PTPRB: variants seen among roughly 807,000 people sequenced by gnomAD.
The protein encoded by PTPRB is protein tyrosine phosphatase receptor type B.
In PTPRB, 97 loss-of-function variants were observed where a neutral mutation model predicts 238.1. The ratio of observed to expected loss-of-function variants is 0.41; its 90% CI spans 0.35 to 0.48. The LOEUF (loss-of-function observed/expected upper bound fraction) is 0.48. Among genes scored for constraint, PTPRB ranks in the 20% least tolerant of loss-of-function variants. The pLI, the probability that PTPRB is intolerant of heterozygous loss-of-function variation, is 0.30. For synonymous variants in PTPRB, 970 were observed against 995.4 expected, an observed-to-expected ratio of 0.97 and a Z score of 0.48; for missense variants, 2,292 against 2,681.9, an observed-to-expected ratio of 0.85 and a Z score of 3.21.
intron 21 of PTPRB, among the ~76,000 whole-genome samples, chr12:70,551,955 G>A (rs940590552): frequency 1.4e-4 from 21 of 152,026 alleles, no homozygotes; most frequent in Non-Finnish European, 2.5e-4. Context: ...TCTCCATGGG[G>A]AAAAAAGGGT....
rs1272344034 is a variant in PTPRB at position 70,521,040 on chromosome 12, A to C, written c.*449T>G. Reference sequence around the variant, plus strand: ...TGGCTCTCGAGATTCATGGGACAGCAATGCAGCAAATCTAGCCATAGTATT... The same window carrying C: ...TGGCTCTCGAGATTCATGGGACAGCCATGCAGCAAATCTAGCCATAGTATT... On this transcript the variant is annotated 3_prime_UTR_variant, in exon 34 of 34. Coordinates refer to ENST00000334414, the MANE Select transcript of PTPRB (RefSeq NM_001109754.4). The C allele has an allele frequency of 6.5e-6, 1 of 154,078 alleles. No homozygotes were observed. The highest frequency in any genetic ancestry group is 1.9e-4 in the East Asian group (1 of 5,214). The allele number at this position is 154,078 out of a possible 1,614,324, so 9.5% of individuals were successfully genotyped here. A position where few individuals can be genotyped will look rare whatever the true frequency, so the allele number is the denominator to read the frequency against.
At chr12:70,556,266 CAG>C (rs1877664165) in intron 18 of PTPRB, 118 bp from the exon 19 acceptor site, 9 of 931,992 alleles carry the variant, frequency 9.7e-6, no homozygotes, top group Non-Finnish European at 1.3e-5. Context: ...CAGGCAAATA[CAG>C]AGTGTCGTGG....
intron 2 of PTPRB, among the ~76,000 whole-genome samples, chr12:70,631,192 C>T (rs1353597258): frequency 3.9e-5 from 6 of 152,296 alleles, no homozygotes; most frequent in Non-Finnish European, 7.4e-5. Context: ...TACAAGGCTA[C>T]AGTAACCAAA....
Position 70,550,804 on chromosome 12 carries a change from A to T in PTPRB, c.5387+1973T>A, listed in dbSNP as rs138692670. Among the ~76,000 whole-genome samples the T allele has an allele frequency of 8.6e-4, 131 of 152,220 alleles. 1 individual carries two copies. The highest frequency in any genetic ancestry group is 2.8e-3 in the African/African-American group (118 of 41,526). ...AAACTAAATCAGCTTCAGTTTTCCA[A>T]CTCAAAAAGAAAATAGCCCTTAGGT... On this transcript the variant is annotated intron_variant, in intron 21 of 33. Transcript: ENST00000334414.
At chr12:70,620,844 C>G (rs1884897847) in intron 3 of PTPRB, among the ~76,000 whole-genome samples, 1 of 152,060 alleles carries the variant, frequency 6.6e-6, no homozygotes, top group Non-Finnish European at 1.5e-5. Flanking sequence ...AATGAAAACT[C>G]AGGATGAGGG....
At chr12:70,599,907 C>T (rs7971030) in intron 4 of PTPRB, among the ~76,000 whole-genome samples, 33,847 of 149,064 alleles carry the variant, frequency 0.23, 3,929 homozygotes, top group East Asian at 0.32. Flanking sequence ...GTATTGGAGG[C>T]TATAGTGCAT....
At chr12:70,537,437 C>T (rs1417043888) in intron 28 of PTPRB, among the ~76,000 whole-genome samples, 2 of 152,160 alleles carry the variant, frequency 1.3e-5, no homozygotes, top group African/African-American at 4.8e-5. Context: ...GTTTCCCATG[C>T]CATTGCCTTT....
Position 70,609,118 on chromosome 12 carries a change from G to A in PTPRB, c.930C>T (p.Asn310=). 6.2e-7 allele frequency: 1 copy of A among 1,613,896 alleles called. No individual in the cohort carries two copies. Among genetic ancestry groups the A allele is most frequent in the Non-Finnish European group, 8.5e-7 (1 of 1,179,804 alleles). The change falls in exon 4 of 34, where the codon AAC becomes AAT. Residue 310 remains asparagine, a synonymous_variant. Coordinates refer to ENST00000334414, the MANE Select transcript of PTPRB (RefSeq NM_001109754.4). ...LQDLQAGTIY[N]FRIISLDEER... ...CTTCATCCAGAGAAATAATCCTGAA[G>A]TTATAGATGGTTCCTGCTTGTAAAT... is the stretch of plus-strand genomic sequence containing the variant.
At chr12:70,635,622 A>T in intron 2 of PTPRB, 49 bp downstream of exon 2, 1 of 1,560,420 alleles carries the variant, frequency 6.4e-7, no homozygotes, top group Non-Finnish European at 8.7e-7. Context: ...AACCCCCAAG[A>T]TATTTAGTAG....
intron 28 of PTPRB, among the ~76,000 whole-genome samples, chr12:70,537,363 C>T (rs1874328369): frequency 6.6e-6 from 1 of 151,204 alleles, no homozygotes; most frequent in South Asian, 2.1e-4. Context: ...CAGAATCTGC[C>T]TTTTCACAAG....
chr12:70,594,754 C>A (rs752133882), intron 5 of PTPRB, 30 bp from the exon 6 acceptor site: 8 of 1,610,266 alleles, frequency 5.0e-6, no homozygotes, highest in South Asian at 1.1e-5. Flanking sequence ...GTCCAAATGT[C>A]ATTAATAATT....
At chr12:70,606,642 G>A (rs1330788904) in intron 4 of PTPRB, among the ~76,000 whole-genome samples, 1 of 152,074 alleles carries the variant, frequency 6.6e-6, no homozygotes, top group Non-Finnish European at 1.5e-5. Flanking sequence ...TATACTAGTT[G>A]GCATTGCTTT....
chr12:70,581,039 T>G lies in PTPRB; in HGVS notation c.2575A>C (p.Thr859Pro). ...SSRQVVVEGR[T>P]VPSSVSGVTV... ...GACACATATCTCTACTTCTTACCTGTTCTTCCCTCCACAACCACTTGTCGG... is the reference window on the plus strand; with the variant it reads ...GACACATATCTCTACTTCTTACCTGGTCTTCCCTCCACAACCACTTGTCGG... The change falls in exon 10 of 34, where the codon ACA becomes CCA. Residue 859 changes from threonine (T) to proline (P), a missense_variant. Physicochemically the swap from Thr to Pro is conservative, Grantham distance 38 (BLOSUM62 -1). Around this residue, in one of 4 missense-constraint regions of PTPRB, gnomAD observed 1,205 missense variants for 1,287.8 expected, o/e 0.94. Coordinates refer to ENST00000334414, the MANE Select transcript of PTPRB (RefSeq NM_001109754.4). 6.2e-7 allele frequency: 1 copy of G among 1,613,776 alleles called. No individual in the cohort carries two copies. Among genetic ancestry groups the G allele is most frequent in the Non-Finnish European group, 8.5e-7 (1 of 1,179,756 alleles).
rs773752940 is a variant in PTPRB at position 70,635,986 on chromosome 12, T to G, written c.136A>C (p.Thr46Pro). 4 of 1,613,414 alleles carry G rather than the reference T, an allele frequency of 2.5e-6. No homozygotes were observed. Among genetic ancestry groups the G allele is most frequent in the Non-Finnish European group, 2.5e-6 (3 of 1,179,768 alleles). ...EKVVVGSCNR[T>P]IQNQQWMWTE... ...CACATCCACTGCTGGTTCTGGATGG[T>G]CCTGTTGCATGAGCCCACGACCACT... The change falls in exon 2 of 34, where the codon ACC (threonine) becomes CCC (proline). Residue 46 changes from threonine (T) to proline (P), a missense_variant. Transcript: ENST00000334414.
chr12:70,579,816 A>G (rs2717418), intron 10 of PTPRB, among the ~76,000 whole-genome samples: 71,296 of 151,816 alleles, frequency 0.47, 17,911 homozygotes, highest in African/African-American at 0.66. Context: ...CAGTGACTTC[A>G]TTGTTCTTCT....
intron 15 of PTPRB, among the ~76,000 whole-genome samples, chr12:70,565,682 G>A (rs529326492): frequency 1.1e-3 from 160 of 152,184 alleles, no homozygotes; most frequent in African/African-American, 3.6e-3. Flanking sequence ...AACCATCCCC[G>A]CCTTCAGACC....
intron 18 of PTPRB, among the ~76,000 whole-genome samples, chr12:70,556,837 CAAAAA>C (rs1220111616): frequency 1.3e-5 from 2 of 152,120 alleles, no homozygotes; most frequent in Admixed American, 6.5e-5. Flanking sequence ...GCCATGCAAA[CAAAAA>C]GAGAGTGGAG....
rs749504829 is a variant in PTPRB, at chr12:70,534,642, G to T, written c.6214C>A (p.Leu2072Ile). Reference sequence around the variant, plus strand: ...TGGCGGATGAGTCTGTGTGCATCAAGCTGTTCCTCCTGTAAGAGCAGAGAG... The same window carrying T: ...TGGCGGATGAGTCTGTGTGCATCAATCTGTTCCTCCTGTAAGAGCAGAGAG... ...REFKICGEEQ[L>I]DAHRLIRHFH... is the part of the protein sequence containing the mutation. Residue 2072 changes from leucine to isoleucine, a missense_variant, in exon 31 of 34, where the codon CTT (leucine) becomes ATT (isoleucine). By Grantham distance (5) the Leu-to-Ile change is conservative (BLOSUM62 2). Around this residue, in one of 4 missense-constraint regions of PTPRB, gnomAD observed 397 missense variants for 502.0 expected, o/e 0.79. Coordinates refer to ENST00000334414, the MANE Select transcript of PTPRB (RefSeq NM_001109754.4). The T allele has an allele frequency of 3.5e-5, 56 of 1,612,056 alleles. No individual in the cohort carries two copies. In the Middle Eastern group the frequency reaches 6.6e-4, roughly 19 times the overall value.
At chr12:70,585,330 T>TG (rs1490781183) in intron 9 of PTPRB, 1 of 152,190 alleles carries the variant, frequency 6.6e-6, no homozygotes, top group Non-Finnish European at 1.5e-5. Context: ...AGATAACTGC[T>TG]CACCCTACAA....
Sources: gnomAD v4.1 joint callset for allele counts (sites outside exome capture counted in the v4.1 genomes callset) on GRCh38, gnomAD v4.1.1 for gene constraint, gnomAD v4.1.1 regional missense constraint, MANE v1.5 for transcripts, NCBI Gene and HGNC (gene_info 2026-07-23, HGNC 2026-07-21) for gene names.